Variants in CHSY3 observed in about 807,000 individuals in gnomAD.
CHSY3 encodes chondroitin sulfate synthase 3.
A neutral mutation model predicts 67.2 loss-of-function variants in CHSY3; 35 were observed. The observed-to-expected ratio is 0.52, with a 90% CI of 0.40 to 0.69. CHSY3 has a LOEUF of 0.69. Ranked by LOEUF, CHSY3 falls within the 30% of genes least tolerant of loss-of-function variation. The pLI is 0.00. For missense variants in CHSY3, 1,069 were observed against 1,138.5 expected (o/e 0.94, Z 0.88); for synonymous variants, 474 against 434.7 (o/e 1.09, Z -1.12).
chr5:130,081,430 T>C (rs1348417180), intron 2 of CHSY3, among the ~76,000 whole-genome samples: 2 of 151,974 alleles, frequency 1.3e-5, no homozygotes, highest in Non-Finnish European at 2.9e-5. Flanking sequence ...TTTGGGAGTA[T>C]TGGTTTCTGA....
intron 2 of CHSY3, among the ~76,000 whole-genome samples, chr5:130,183,573 C>T (rs1218501039): frequency 1.3e-5 from 2 of 152,082 alleles, no homozygotes; most frequent in East Asian, 1.9e-4. Flanking sequence ...TCTCCTTCTC[C>T]GTGATCTGTT....
chr5:130,125,444 TAGATAGATAGAC>T (rs1479250999), intron 2 of CHSY3, among the ~76,000 whole-genome samples: 2 of 151,792 alleles, frequency 1.3e-5, no homozygotes, highest in African/African-American at 2.4e-5. Context: ...GATAGATAGA[TAGATAGATAGAC>T]AGACAGACAG....
chr5:129,977,354 C>T (rs1430438116), intron 2 of CHSY3, among the ~76,000 whole-genome samples: 2 of 152,226 alleles, frequency 1.3e-5, no homozygotes, highest in East Asian at 1.9e-4. Flanking sequence ...AAGAACAATG[C>T]TTTATTTGGG....
intron 2 of CHSY3, among the ~76,000 whole-genome samples, chr5:130,088,256 A>G (rs1286676141): frequency 2.6e-5 from 4 of 151,984 alleles, no homozygotes; most frequent in African/African-American, 4.8e-5. Flanking sequence ...ACCTAAAACC[A>G]TAAAAACCCT....
chr5:130,184,788 A>T lies in CHSY3; in HGVS notation c.1646A>T (p.Lys549Met). The T allele has an allele frequency of 6.2e-7, 1 of 1,607,234 alleles. No homozygotes were observed. The highest frequency in any genetic ancestry group is 8.5e-7 in the Non-Finnish European group (1 of 1,173,728). ...LDLLLLYKRH[K>M]GRKLTVPVRR... ...TTACTCCTTTTATACAAAAGACACA[A>T]GGGAAGGAAACTGACTGTGCCAGTG... The change falls in exon 3 of 3, where the codon AAG becomes ATG. Residue 549 changes from lysine (K) to methionine (M), a missense_variant. Around this residue, in one of 5 missense-constraint regions of CHSY3, gnomAD observed 401 missense variants for 395.2 expected, o/e 1.01. Transcript: ENST00000305031.
intron 2 of CHSY3, among the ~76,000 whole-genome samples, chr5:129,934,209 CATA>C (rs969336128): frequency 6.6e-6 from 1 of 151,990 alleles, no homozygotes; most frequent in Non-Finnish European, 1.5e-5. Context: ...ATGCTTATGA[CATA>C]ATATGTGAAA....
intron 2 of CHSY3, among the ~76,000 whole-genome samples, chr5:130,074,761 A>G (rs1766198138): frequency 6.6e-6 from 1 of 152,192 alleles, no homozygotes; most frequent in Non-Finnish European, 1.5e-5. Context: ...ACTGACAGAA[A>G]AAATTACATA....
At chr5:130,140,309 T>C (rs922476009) in intron 2 of CHSY3, 8 of 488,100 alleles carry the variant, frequency 1.6e-5, no homozygotes, top group Non-Finnish European at 2.6e-5. Flanking sequence ...CAGCCCTTCA[T>C]AGTGGTGAAT....
chr5:129,989,292 G>A (rs569610866), intron 2 of CHSY3, among the ~76,000 whole-genome samples: 158 of 133,784 alleles, frequency 1.2e-3, no homozygotes, highest in Non-Finnish European at 2.0e-3. Context: ...ACAGAGTTTC[G>A]CTCTTGTTGC....
chr5:130,115,113 T>G (rs1358558156), intron 2 of CHSY3, among the ~76,000 whole-genome samples: 1 of 152,076 alleles, frequency 6.6e-6, no homozygotes, highest in East Asian at 1.9e-4. Context: ...GTAATTTTAT[T>G]TCTTTTCTCA....
At chr5:129,917,232 T>TG in intron 2 of CHSY3, among the ~76,000 whole-genome samples, 1 of 152,310 alleles carries the variant, frequency 6.6e-6, no homozygotes, top group Non-Finnish European at 1.5e-5. Context: ...CTACAATGGG[T>TG]CAGCCCTCAT....
intron 2 of CHSY3, among the ~76,000 whole-genome samples, chr5:130,107,690 C>T (rs1359923441): frequency 1.3e-5 from 2 of 151,520 alleles, no homozygotes; most frequent in Admixed American, 6.6e-5. Context: ...GGCAGGCAGG[C>T]CTTTGACTAC....
intron 2 of CHSY3, among the ~76,000 whole-genome samples, chr5:130,093,907 C>T (rs554470019): frequency 9.2e-5 from 14 of 152,120 alleles, no homozygotes; most frequent in Non-Finnish European, 1.6e-4. Context: ...AAAAGTACCA[C>T]ATCTCTTCTA....
At position 130,168,171 on chromosome 5, in the gene CHSY3, C is replaced by T. The variant is rs140848703; in HGVS notation, c.1087-16058C>T. On this transcript the variant is annotated intron_variant, in intron 2 of 2. Coordinates refer to ENST00000305031, the MANE Select transcript of CHSY3 (RefSeq NM_175856.5). ...GTGCTATTTCTTGAATGAAAGACTA[C>T]CTTGTTTCCATGCAGCTGGCAAACG... 2.0e-3 allele frequency among the ~76,000 whole-genome samples: 305 copies of T among 152,252 alleles called. 1 individual carries two copies. Among genetic ancestry groups the T allele is most frequent in the African/African-American group, 6.8e-3 (281 of 41,568 alleles).
chr5:130,051,150 T>C (rs756702190), intron 2 of CHSY3, among the ~76,000 whole-genome samples: 7 of 152,078 alleles, frequency 4.6e-5, no homozygotes. Flanking sequence ...TGGTCACCTC[T>C]GTGGAAGGGA....
At chr5:130,032,240 T>G (rs1253866928) in intron 2 of CHSY3, among the ~76,000 whole-genome samples, 1 of 152,170 alleles carries the variant, frequency 6.6e-6, no homozygotes, top group Non-Finnish European at 1.5e-5. Context: ...CCGTCACATA[T>G]TATAGATGTG....
intron 2 of CHSY3, among the ~76,000 whole-genome samples, chr5:130,079,340 T>G (rs1470151514): frequency 1.3e-5 from 2 of 152,158 alleles, no homozygotes; most frequent in African/African-American, 4.8e-5. Flanking sequence ...TGTATTTAAA[T>G]AAATGGAAGT....
At chr5:130,130,572 G>T (rs1768449390) in intron 2 of CHSY3, among the ~76,000 whole-genome samples, 2 of 152,130 alleles carry the variant, frequency 1.3e-5, no homozygotes, top group South Asian at 4.1e-4. Context: ...CTTTGACCAA[G>T]ACTTACAGAA....
intron 2 of CHSY3, among the ~76,000 whole-genome samples, chr5:130,082,137 C>T (rs917873529): frequency 9.9e-5 from 15 of 152,084 alleles, no homozygotes; most frequent in Admixed American, 6.6e-4. Flanking sequence ...TTAACCAGAA[C>T]CCAAATGTTA....
Sources: allele counts gnomAD v4.1 joint callset (sites outside exome capture counted in the v4.1 genomes callset), GRCh38; gene constraint gnomAD v4.1.1; regional missense constraint gnomAD v4.1.1; transcripts MANE v1.5; gene names NCBI Gene and HGNC (gene_info 2026-07-23, HGNC 2026-07-21).